Variants in NAT9 observed in about 807,000 individuals in gnomAD.
NAT9 encodes N-acetyltransferase 9.
A neutral mutation model predicts 24.0 loss-of-function variants in NAT9; 18 were observed. The observed-to-expected ratio is 0.75, with a 90% CI of 0.52 to 1.11. The LOEUF (loss-of-function observed/expected upper bound fraction) is 1.11, where lower values mean the gene tolerates loss of function less well. Among genes scored for constraint, NAT9 ranks in the 50% most tolerant of loss-of-function variants. The pLI, the probability that NAT9 is intolerant of heterozygous loss-of-function variation, is 0.00. For missense variants in NAT9, 254 were observed against 258.6 expected (o/e 0.98, Z 0.12); for synonymous variants, 104 against 102.3 (o/e 1.02, Z -0.10).
intron 2 of NAT9, chr17:74,775,411 A>G (rs1350620548): frequency 2.2e-6 from 1 of 451,894 alleles, no homozygotes; most frequent in Non-Finnish European, 3.9e-6. Flanking sequence ...CTGGTCTCGA[A>G]CTGCTGGGCT....
intron 2 of NAT9, 141 bp from the exon 3 acceptor site, chr17:74,773,829 G>C: frequency 1.5e-6 from 1 of 658,342 alleles, no homozygotes; most frequent in Non-Finnish European, 2.7e-6. Flanking sequence ...TAAGGCAGGG[G>C]CCACAGACAC....
chr17:74,772,662 C>G (rs2305215), intron 4 of NAT9: 98,537 of 1,207,968 alleles, frequency 0.082, 5,158 homozygotes, highest in African/African-American at 0.22. Flanking sequence ...CTTGAATCTA[C>G]CCCAAACCAA....
At chr17:74,775,931 T>C in intron 1 of NAT9, 1 of 453,760 alleles carries the variant, frequency 2.2e-6, no homozygotes, top group Non-Finnish European at 3.9e-6. Flanking sequence ...AAGCCTGGGC[T>C]CCGTTTCTGC....
rs370907898 is a variant in NAT9, at chr17:74,772,990, G to A, written c.240C>T (p.Gly80=). ...LDAEKWQAQP[G]ATEESCMVGD... ...CCACCATGCAGCTCTCTTCGGTGGC[G>A]CCTGGCTGGGCCTGCCACTTCTCGG... The change falls in exon 4 of 7, where the codon GGC becomes GGT. Residue 80 remains glycine, a synonymous_variant. Coordinates refer to ENST00000357814, the MANE Select transcript of NAT9 (RefSeq NM_015654.5). The A allele has an allele frequency of 4.2e-4, 672 of 1,613,670 alleles. 7 individuals are homozygous for A. In the South Asian group the frequency reaches 5.7e-3, roughly 14 times the overall value.
chr17:74,772,711 GAGGCTGAGGGTGTACCACC>G, intron 4 of NAT9, 166 bp downstream of exon 4: 1 of 1,131,426 alleles, frequency 8.8e-7, no homozygotes, highest in South Asian at 1.6e-5. Flanking sequence ...CTAAAGTGAT[GAGGCTGAGGGTGTACCACC>G]AGGCTGAGGG....
chr17:74,771,994 C>T lies in NAT9; in HGVS notation c.455G>A (p.Ser152Asn). ...EAKIGQGNEPSIRMFQKLHFE... is the reference protein window; with the variant it reads ...EAKIGQGNEPNIRMFQKLHFE... The stretch of plus-strand genomic sequence containing the variant: ...GTGAAGTTTCTGGAACATCCGGATG[C>T]TTGGTTCATTTCCTTGCCCAATTTT... Residue 152 changes from serine to asparagine, a missense_variant, in exon 6 of 7, where the codon AGC (serine) becomes AAC (asparagine). Coordinates refer to ENST00000357814, the MANE Select transcript of NAT9 (RefSeq NM_015654.5). 1.2e-6 allele frequency: 2 copies of T among 1,614,230 alleles called. No individual in the cohort carries two copies. The highest frequency in any genetic ancestry group is 1.7e-6 in the Non-Finnish European group (2 of 1,180,028).
Position 74,772,968 on chromosome 17 carries a change from C to A in NAT9, c.262G>T (p.Val88Leu). 3.1e-6 allele frequency: 5 copies of A among 1,614,188 alleles called. No individual in the cohort carries two copies. In the East Asian group the frequency reaches 1.1e-4, roughly 36 times the overall value. The stretch of plus-strand genomic sequence containing the variant: ...GTGAGGAAGAGGTTCACATCTCCCA[C>A]CATGCAGCTCTCTTCGGTGGCGCCT... ...QPGATEESCM[V>L]GDVNLFLTDL... The change falls in exon 4 of 7, where the codon GTG becomes TTG. Residue 88 changes from valine to leucine, a missense_variant. Transcript: ENST00000357814.
intron 4 of NAT9, chr17:74,772,542 G>A: frequency 1.4e-6 from 2 of 1,405,672 alleles, no homozygotes; most frequent in Non-Finnish European, 1.8e-6. Context: ...GGGAAACTGA[G>A]GACCATGAAG....
chr17:74,772,263 C>T lies in NAT9; in HGVS notation c.349G>A (p.Gly117Ser), dbSNP rs202179083. Residue 117 changes from glycine (G) to serine (S), a missense_variant, in exon 5 of 7, where the codon GGT becomes AGT. Physicochemically the swap from Gly to Ser is moderately conservative, Grantham distance 56. Transcript: ENST00000357814. ...EVMIAEPSCR[G>S]KGLGTEAVLA... ...ACGGCCTCAGTGCCAAGGCCCTTAC[C>T]CCTGCAGCTGGGCTCTAGGAGAGAC... The T allele has an allele frequency of 1.2e-6, 2 of 1,614,150 alleles. No homozygotes were observed. Among genetic ancestry groups the T allele is most frequent in the East Asian group, 2.2e-5 (1 of 44,896 alleles).
At chr17:74,775,409 G>A (rs1056319528) in intron 2 of NAT9, 2 of 446,830 alleles carry the variant, frequency 4.5e-6, no homozygotes, top group Non-Finnish European at 4.0e-6. Flanking sequence ...AGCTGGTCTC[G>A]AACTGCTGGG....
At chr17:74,773,136 A>G in intron 3 of NAT9, 97 bp from the exon 4 acceptor site, 1 of 1,408,038 alleles carries the variant, frequency 7.1e-7, no homozygotes, top group Non-Finnish European at 9.6e-7. Context: ...GAACACCAGC[A>G]TCTCTGAGTC....
rs1374802369 is a variant in NAT9, at chr17:74,775,380, G to A, written c.77+242C>T. ...TTTTTGTATTTTTTTGTAGAGACAA[G>A]GTCTCGCTACGTTACCCAAGCTGGT... On this transcript the variant is annotated intron_variant, in intron 2 of 6. Transcript: ENST00000357814. The A allele has an allele frequency of 7.5e-6, 3 of 400,402 alleles. No homozygotes were observed. In the East Asian group the frequency reaches 1.2e-4, roughly 16 times the overall value. The allele number at this position is 400,402 out of a possible 1,614,324, so 24.8% of individuals were successfully genotyped here. A position where few individuals can be genotyped will look rare whatever the true frequency, so the allele number is the denominator to read the frequency against.
At chr17:74,775,883 G>A (rs1366466412) in intron 1 of NAT9, 176 bp from the exon 2 acceptor site, 2 of 541,834 alleles carry the variant, frequency 3.7e-6, no homozygotes, top group Non-Finnish European at 6.6e-6. Context: ...GCTGGTTAAG[G>A]ATAATTAAAC....
At chr17:74,773,869 A>G in intron 2 of NAT9, 181 bp from the exon 3 acceptor site, 1 of 575,906 alleles carries the variant, frequency 1.7e-6, no homozygotes, top group Non-Finnish European at 3.2e-6. Context: ...GTCTTACACA[A>G]GAACAGCAGG....
intron 2 of NAT9, among the ~76,000 whole-genome samples, chr17:74,775,036 T>C (rs1333887881): frequency 1.3e-5 from 2 of 151,726 alleles, no homozygotes; most frequent in East Asian, 3.9e-4. Context: ...TTTGTGTTTT[T>C]AGTAGAGATG....
At chr17:74,773,195 T>C (rs878906) in intron 3 of NAT9, 156 bp from the exon 4 acceptor site, 493,343 of 964,648 alleles carry the variant, frequency 0.51, 127,584 homozygotes, top group Admixed American at 0.54. Flanking sequence ...CATTACAAAA[T>C]TCCAAATCTG....
At chr17:74,772,312 G>C in intron 4 of NAT9, 35 bp from the exon 5 acceptor site, 5 of 1,611,378 alleles carry the variant, frequency 3.1e-6, no homozygotes, top group Non-Finnish European at 3.4e-6. Flanking sequence ...CTGACGCCGT[G>C]TGCCAGGCTC....
rs1330059168 is a variant in NAT9, at chr17:74,771,869, CAG to C, written c.490-13_490-12del. ...ACTGCTCGTAGCCACCTACGTGAGC[CAG>C]AGAGAACAAAGCCTGCTAAGTTACA... On this transcript the variant is annotated splice_polypyrimidine_tract_variant and intron_variant, in intron 6 of 6. Transcript: ENST00000357814. 1 of 1,614,138 alleles carries C rather than the reference CAG, an allele frequency of 6.2e-7. No individual in the cohort carries two copies. The highest frequency in any genetic ancestry group is 1.3e-5 in the African/African-American group (1 of 74,942).
Position 74,775,841 on chromosome 17 carries a change from G to T in NAT9, c.-9-134C>A, listed in dbSNP as rs2035980840. On this transcript the variant is annotated intron_variant, in intron 1 of 6. Transcript: ENST00000357814. ...CCGTCTAGACACTTCAAAGAATACAGACTCCAAAATTCTTGCAAGAAAGAG... is the reference window on the plus strand; with the variant it reads ...CCGTCTAGACACTTCAAAGAATACATACTCCAAAATTCTTGCAAGAAAGAG... 3 of 594,520 alleles carry T rather than the reference G, an allele frequency of 5.0e-6. No homozygotes were observed. In the East Asian group the frequency reaches 8.7e-5, roughly 17 times the overall value. 36.8% of individuals were successfully genotyped at this position (594,520 alleles called of 1,614,324 possible).
Sources: allele counts gnomAD v4.1 joint callset (sites outside exome capture counted in the v4.1 genomes callset), GRCh38; gene constraint gnomAD v4.1.1; transcripts MANE v1.5; gene names NCBI Gene and HGNC (gene_info 2026-07-23, HGNC 2026-07-21).